LGALSL: variants seen among roughly 807,000 people sequenced by gnomAD.
LGALSL encodes the protein galectin like.
Under a neutral mutation model 19.5 loss-of-function variants are expected in LGALSL, and 13 were observed. The observed-to-expected ratio is 0.67, with a 90% CI of 0.43 to 1.06. The LOEUF (loss-of-function observed/expected upper bound fraction) is 1.06, where lower values mean the gene tolerates loss of function less well. Among genes scored for constraint, LGALSL ranks in the 50% least tolerant of loss-of-function variants. The probability of loss-of-function intolerance (pLI) is 0.00; values close to 1 mark genes in which losing one functional copy is unlikely to be tolerated. For missense variants in LGALSL, 189 were observed against 219.3 expected (o/e 0.86, Z 0.87); for synonymous variants, 86 against 78.3 (o/e 1.10, Z -0.52).
rs1686699478 is a variant in LGALSL at position 64,454,570 on chromosome 2, G to T, written c.25G>T (p.Asp9Tyr). The change falls in exon 1 of 5, where the codon GAT becomes TAT. Residue 9 changes from aspartate to tyrosine, a missense_variant. By Grantham distance (160) the Asp-to-Tyr change is radical (BLOSUM62 -3). Coordinates refer to ENST00000238875, the MANE Select transcript of LGALSL (RefSeq NM_014181.3). The surrounding 1 kb of genome is among the most constrained non-coding windows in gnomAD (Gnocchi z 5.1). MAGSVADSDAVVKLDDGHL... is the reference protein window; with the variant it reads MAGSVADSYAVVKLDDGHL... ...GATGGCGGGATCAGTGGCCGACAGC[G>T]ATGCCGTGGTGGTGAGTGTGGCAGG... 6.9e-7 allele frequency: 1 copy of T among 1,452,454 alleles called. No individual in the cohort carries two copies. The allele number at this position is 1,452,454 out of a possible 1,614,324, so 90.0% of individuals were successfully genotyped here. A position where few individuals can be genotyped will look rare whatever the true frequency, so the allele number is the denominator to read the frequency against.
At chr2:64,457,350 G>A (rs1686752119) in intron 4 of LGALSL, among the ~76,000 whole-genome samples, 1 of 152,024 alleles carries the variant, frequency 6.6e-6, no homozygotes, top group South Asian at 2.1e-4. Context: ...CTTGAGCCCA[G>A]GAATTCAAGG....
rs1686723458 is a variant in LGALSL at position 64,455,648 on chromosome 2, G to T, written c.168G>T (p.Val56=). Residue 56 remains valine (V), a synonymous_variant, in exon 3 of 5, where the codon GTG becomes GTT. Transcript: ENST00000238875. ...TGAGACCAGGCAAGAAGGTGTTAGT[G>T]ATGGGCATCGTAGACCTCAACCCAG... ...GGMRPGKKVL[V]MGIVDLNPES... The T allele has an allele frequency of 3.1e-6, 5 of 1,613,952 alleles. No individual in the cohort carries two copies. The East Asian group carries it at 1.1e-4, about 36-fold the overall frequency.
At chr2:64,456,131 G>A (rs1686732096) in intron 3 of LGALSL, 157 bp from the exon 4 acceptor site, 1 of 587,146 alleles carries the variant, frequency 1.7e-6, no homozygotes, top group Non-Finnish European at 2.9e-6. Context: ...AAAATAAGCT[G>A]GTTTGACTTA....
In LGALSL at chr2:64,458,453, G is replaced by A; in HGVS notation, c.*25G>A. On this transcript the variant is annotated 3_prime_UTR_variant, in exon 5 of 5. Transcript: ENST00000238875. The stretch of plus-strand genomic sequence containing the variant: ...ATTTAAACCACCTCTATTTCAAATA[G>A]GATCACGTGCCACAACTATCTGACT... The A allele has an allele frequency of 6.2e-7, 1 of 1,603,122 alleles. No individual in the cohort carries two copies. Among genetic ancestry groups the A allele is most frequent in the Non-Finnish European group, 8.5e-7 (1 of 1,172,644 alleles).
intron 4 of LGALSL, among the ~76,000 whole-genome samples, chr2:64,457,179 A>G (rs1473029746): frequency 2.0e-5 from 3 of 152,002 alleles, no homozygotes; most frequent in Non-Finnish European, 4.4e-5. Flanking sequence ...TAATCCCACC[A>G]CTTTGGGAGG....
At position 64,461,237 on chromosome 2, in the gene LGALSL, T is replaced by G. The variant is rs1686820582; in HGVS notation, c.*2809T>G. On this transcript the variant is annotated 3_prime_UTR_variant, in exon 5 of 5. Transcript: ENST00000238875. ...CGGCCTTGGCATTTTCTGGCATTAATGTAGAAATAATGTTCCTATGATGAC... is the reference window on the plus strand; with the variant it reads ...CGGCCTTGGCATTTTCTGGCATTAAGGTAGAAATAATGTTCCTATGATGAC... 6.6e-6 allele frequency: 1 copy of G among 152,236 alleles called. No individual in the cohort carries two copies. 9.4% of individuals were successfully genotyped at this position (152,236 alleles called of 1,614,324 possible). A position where few individuals can be genotyped will look rare whatever the true frequency, so the allele number is the denominator to read the frequency against.
Position 64,456,456 on chromosome 2 carries a change from G to A in LGALSL, c.366G>A (p.Gln122=), listed in dbSNP as rs1686737722. 1 of 1,575,928 alleles carries A rather than the reference G, an allele frequency of 6.3e-7. No homozygotes were observed. Among genetic ancestry groups the A allele is most frequent in the Non-Finnish European group, 8.6e-7 (1 of 1,160,396 alleles). Residue 122 remains glutamine, a synonymous_variant, in exon 4 of 5, where the codon CAG becomes CAA. Transcript: ENST00000238875. Reference sequence around the variant, plus strand: ...CTTACTTTCCATTCATTCCAGACCAGCCATTCAGGGTGAGTACCTCGAGTG... The same window carrying A: ...CTTACTTTCCATTCATTCCAGACCAACCATTCAGGGTGAGTACCTCGAGTG... ...AIPYFPFIPD[Q]PFRVEILCEH...
In LGALSL at chr2:64,455,411, G is replaced by T; in HGVS notation, c.104G>T (p.Arg35Leu). The T allele has an allele frequency of 1.2e-6, 2 of 1,611,946 alleles. No individual in the cohort carries two copies. The highest frequency in any genetic ancestry group is 1.7e-6 in the Non-Finnish European group (2 of 1,178,026). ...SPVQADVYFP[R>L]LIVPFCGHIK... Reference sequence around the variant, plus strand: ...GTTCAAGCGGACGTGTACTTCCCACGACTGGTAAATGATTTTGCTCTGTGT... The same window carrying T: ...GTTCAAGCGGACGTGTACTTCCCACTACTGGTAAATGATTTTGCTCTGTGT... Residue 35 changes from arginine to leucine, a missense_variant, in exon 2 of 5, where the codon CGA becomes CTA. By Grantham distance (102) the Arg-to-Leu change is moderately radical (BLOSUM62 -2). This residue lies in a region of LGALSL where 62 missense variants were observed against 49.0 expected (regional missense o/e 1.27). Coordinates refer to ENST00000238875, the MANE Select transcript of LGALSL (RefSeq NM_014181.3).
Position 64,458,298 on chromosome 2 carries a change from G to T in LGALSL, c.389G>T (p.Cys130Phe), listed in dbSNP as rs1298204740. Residue 130 changes from cysteine to phenylalanine, a missense_variant, in exon 5 of 5, where the codon TGT becomes TTT. Physicochemically the swap from Cys to Phe is radical, Grantham distance 205. Transcript: ENST00000238875. ...PDQPFRVEIL[C>F]EHPRFRVFVD... Reference sequence around the variant, plus strand: ...TGTTTCTTCCAGGTGGAAATTCTTTGTGAGCACCCACGTTTCCGAGTGTTT... The same window carrying T: ...TGTTTCTTCCAGGTGGAAATTCTTTTTGAGCACCCACGTTTCCGAGTGTTT... The T allele has an allele frequency of 1.2e-6, 2 of 1,613,696 alleles. No homozygotes were observed. Among genetic ancestry groups the T allele is most frequent in the East Asian group, 2.2e-5 (1 of 44,870 alleles).
At chr2:64,456,193 C>A in intron 3 of LGALSL, 95 bp from the exon 4 acceptor site, 1 of 1,139,268 alleles carries the variant, frequency 8.8e-7, no homozygotes, top group Non-Finnish European at 1.3e-6. Flanking sequence ...TAAAAATGGA[C>A]AAACCCAGAG....
At chr2:64,455,517 C>T in intron 2 of LGALSL, 72 bp from the exon 3 acceptor site, 1 of 1,503,448 alleles carries the variant, frequency 6.7e-7, no homozygotes, top group Non-Finnish European at 9.3e-7. Context: ...TGGGTCAGGC[C>T]TTCAGGGTCT....
Position 64,454,672 on chromosome 2 carries a change from C to A in LGALSL, c.36+91C>A. 1.0e-6 allele frequency: 1 copy of A among 963,612 alleles called. No homozygotes were observed. Among genetic ancestry groups the A allele is most frequent in the Non-Finnish European group, 1.3e-6 (1 of 750,302 alleles). 59.7% of individuals were successfully genotyped at this position (963,612 alleles called of 1,614,324 possible). On this transcript the variant is annotated intron_variant, in intron 1 of 4. Coordinates refer to ENST00000238875, the MANE Select transcript of LGALSL (RefSeq NM_014181.3). The surrounding 1 kb of genome is among the most constrained non-coding windows in gnomAD (Gnocchi z 5.1). ...CCAGCAGTGCTGGGGTGCTGAGCAG[C>A]CGCAGGCCCGGCCGGCGCCCGGCGC... is the stretch of plus-strand genomic sequence containing the variant.
At position 64,454,505 on chromosome 2, in the gene LGALSL, G is replaced by T; in HGVS notation, c.-41G>T. On this transcript the variant is annotated 5_prime_UTR_variant, in exon 1 of 5. Transcript: ENST00000238875. The surrounding 1 kb of genome is among the most constrained non-coding windows in gnomAD (Gnocchi z 5.1). ...CAGGACAGCCCCGGGATCCCCGCCC[G>T]CGCGCCGCGTCCCACGTACCCCGCC... 1 of 1,318,408 alleles carries T rather than the reference G, an allele frequency of 7.6e-7. No individual in the cohort carries two copies. The allele number at this position is 1,318,408 out of a possible 1,614,324, so 81.7% of individuals were successfully genotyped here.
rs890241741 is a variant in LGALSL at position 64,454,410 on chromosome 2, C to A, written c.-136C>A. On this transcript the variant is annotated 5_prime_UTR_variant, in exon 1 of 5. Coordinates refer to ENST00000238875, the MANE Select transcript of LGALSL (RefSeq NM_014181.3). The surrounding 1 kb of genome is among the most constrained non-coding windows in gnomAD (Gnocchi z 5.1). ...GTCGGCGCCGGGCCCCGGGCGCGCGCGCGCGCGCCCCCTCGTGTGTGCGCG... is the reference window on the plus strand; with the variant it reads ...GTCGGCGCCGGGCCCCGGGCGCGCGAGCGCGCGCCCCCTCGTGTGTGCGCG... 13 of 383,492 alleles carry A rather than the reference C, an allele frequency of 3.4e-5. No individual in the cohort carries two copies. Among genetic ancestry groups the A allele is most frequent in the African/African-American group, 2.8e-4 (13 of 46,414 alleles). The allele number at this position is 383,492 out of a possible 1,614,324, so 23.8% of individuals were successfully genotyped here. A position where few individuals can be genotyped will look rare whatever the true frequency, so the allele number is the denominator to read the frequency against.
At chr2:64,456,036 C>T (rs1237119722) in intron 3 of LGALSL, among the ~76,000 whole-genome samples, 1 of 151,496 alleles carries the variant, frequency 6.6e-6, no homozygotes, top group Non-Finnish European at 1.5e-5. Flanking sequence ...ATTTCTGTGG[C>T]TGTTTTTGAG....
In LGALSL at chr2:64,461,341, T is replaced by C. The variant is rs1686822221; in HGVS notation, c.*2913T>C. On this transcript the variant is annotated 3_prime_UTR_variant, in exon 5 of 5. Coordinates refer to ENST00000238875, the MANE Select transcript of LGALSL (RefSeq NM_014181.3). ...ATGTGTTGTTACATTATGTCACTGCTGAAAGTAATTTGCACTATAATAAAG... is the reference window on the plus strand; with the variant it reads ...ATGTGTTGTTACATTATGTCACTGCCGAAAGTAATTTGCACTATAATAAAG... 6.6e-6 allele frequency: 1 copy of C among 152,254 alleles called. No homozygotes were observed. The allele number at this position is 152,254 out of a possible 1,614,324, so 9.4% of individuals were successfully genotyped here.
In LGALSL at chr2:64,454,332, C is replaced by T; in HGVS notation, c.-214C>T. 2.5e-6 allele frequency: 1 copy of T among 393,324 alleles called. No homozygotes were observed. Among genetic ancestry groups the T allele is most frequent in the African/African-American group, 2.1e-5 (1 of 48,308 alleles). The allele number at this position is 393,324 out of a possible 1,614,324, so 24.4% of individuals were successfully genotyped here. ...GGGCCGCGGCAAGCACCTTCGCCCT[C>T]CCAGCTCGCGCTGCCTCCCTCCCCT... is the stretch of plus-strand genomic sequence containing the variant. On this transcript the variant is annotated 5_prime_UTR_variant, in exon 1 of 5. Transcript: ENST00000238875. This position sits in a 1 kb window ranked among gnomAD's most constrained non-coding sequence, Gnocchi z 5.1.
chr2:64,458,353 C>T lies in LGALSL; in HGVS notation c.444C>T (p.Tyr148=). Residue 148 remains tyrosine, a synonymous_variant, in exon 5 of 5, where the codon TAC becomes TAT. Coordinates refer to ENST00000238875, the MANE Select transcript of LGALSL (RefSeq NM_014181.3). ...ATGGACACCAACTTTTTGATTTTTA[C>T]CATCGCATTCAAACGTTATCTGCAA... is the stretch of plus-strand genomic sequence containing the variant. ...FVDGHQLFDF[Y]HRIQTLSAID... 6.2e-7 allele frequency: 1 copy of T among 1,613,686 alleles called. No homozygotes were observed. Among genetic ancestry groups the T allele is most frequent in the Non-Finnish European group, 8.5e-7 (1 of 1,179,634 alleles).
rs1432791973 is a variant in LGALSL, at chr2:64,459,186, C to T, written c.*758C>T. On this transcript the variant is annotated 3_prime_UTR_variant, in exon 5 of 5. Transcript: ENST00000238875. The stretch of plus-strand genomic sequence containing the variant: ...TGCTTTTGGGAAACCTTTGCAAAAC[C>T]ATTTTGATAAAACTGCTTTCCAAGT... The T allele has an allele frequency of 6.6e-6, 1 of 152,134 alleles. No individual in the cohort carries two copies. Among genetic ancestry groups the T allele is most frequent in the Non-Finnish European group, 1.5e-5 (1 of 68,028 alleles). 9.4% of individuals were successfully genotyped at this position (152,134 alleles called of 1,614,324 possible). A position where few individuals can be genotyped will look rare whatever the true frequency, so the allele number is the denominator to read the frequency against.
Sources: gnomAD v4.1 joint callset for allele counts (sites outside exome capture counted in the v4.1 genomes callset) on GRCh38, gnomAD v4.1.1 for gene constraint, gnomAD v4.1.1 regional missense constraint, Gnocchi (gnomAD v3.1) non-coding constraint, MANE v1.5 for transcripts, NCBI Gene and HGNC (gene_info 2026-07-23, HGNC 2026-07-21) for gene names.